The following ZNF808 variants were observed in gnomAD, a reference collection of about 807,000 sequenced individuals.
ZNF808 encodes zinc finger protein 808.
ZNF808 carries 5 observed loss-of-function variants against 8.7 expected under a neutral mutation model. That is an observed-to-expected ratio of 0.58 (90% confidence interval 0.30 to 1.21). ZNF808 has a LOEUF of 1.21. Ranked by LOEUF, ZNF808 falls within the 50% of genes most tolerant of loss-of-function variation. The pLI is 0.07. For synonymous variants in ZNF808, 380 were observed against 366.0 expected, an observed-to-expected ratio of 1.04 and a Z score of -0.44; for missense variants, 1,103 against 1,098.4, an observed-to-expected ratio of 1.00 and a Z score of -0.06.
rs1314983902 is a variant in ZNF808 at position 52,554,844 on chromosome 19, G to T, written c.1928G>T (p.Arg643Ile). 1.2e-6 allele frequency: 2 copies of T among 1,614,040 alleles called. No homozygotes were observed. Among genetic ancestry groups the T allele is most frequent in the Admixed American group, 3.3e-5 (2 of 59,992 alleles). The change falls in exon 5 of 5, where the codon AGA becomes ATA. Residue 643 changes from arginine (R) to isoleucine (I), a missense_variant. By Grantham distance (97) the Arg-to-Ile change is moderately conservative. Transcript: ENST00000359798. ...AATTCACAGCTGGCACGACATACAA[G>T]AATTCACACTGGAGAAAAAACTTAC... ...TWNSQLARHT[R>I]IHTGEKTYKC... is the part of the protein sequence containing the mutation.
downstream of ZNF808, among the ~76,000 whole-genome samples, chr19:52,567,621 C>T (rs2059876212): frequency 6.7e-6 from 1 of 150,070 alleles, no homozygotes; most frequent in East Asian, 2.0e-4. Flanking sequence ...ATTTTCTGGG[C>T]TCAAGCGATT....
chr19:52,547,401 C>T lies in ZNF808; in HGVS notation c.64-111C>T, dbSNP rs116899050. 3.8e-4 allele frequency: 596 copies of T among 1,568,936 alleles called. 4 individuals are homozygous for T. In the East Asian group the frequency reaches 0.011, roughly 29 times the overall value. ...CAAAAATACCTTAACATCCTTTTGT[C>T]AGAACACAGTCTTTGATCAAATAAA... On this transcript the variant is annotated intron_variant, in intron 3 of 4. Coordinates refer to ENST00000359798, the MANE Select transcript of ZNF808 (RefSeq NM_001039886.4).
At chr19:52,552,429 T>G (rs960112194) in intron 4 of ZNF808, among the ~76,000 whole-genome samples, 1 of 151,608 alleles carries the variant, frequency 6.6e-6, no homozygotes, top group Non-Finnish European at 1.5e-5. Context: ...TTTTTTTCTG[T>G]TTGAGGCAGA....
downstream of ZNF808, among the ~76,000 whole-genome samples, chr19:52,566,858 C>T (rs1315049683): frequency 6.6e-6 from 1 of 152,134 alleles, no homozygotes. Context: ...TACATAAACA[C>T]AATGTCCAGA....
rs187586037 is a variant in ZNF808, at chr19:52,546,976, G to A, written c.64-536G>A. 3.8e-4 allele frequency among the ~76,000 whole-genome samples: 50 copies of A among 130,784 alleles called. No individual in the cohort carries two copies. The East Asian group carries it at 0.012, about 30-fold the overall frequency. The allele number at this position is 130,784 out of a possible 152,430, so 85.8% of individuals were successfully genotyped here. ...TTTTTTTTTTTTTTTTAGATGGAGT[G>A]TCAGTCTGTTGCCCAGGATGGAGGG... On this transcript the variant is annotated intron_variant, in intron 3 of 4. Coordinates refer to ENST00000359798, the MANE Select transcript of ZNF808 (RefSeq NM_001039886.4).
chr19:52,528,271 C>T (rs1200069213), intron 1 of ZNF808, among the ~76,000 whole-genome samples: 1 of 152,188 alleles, frequency 6.6e-6, no homozygotes, highest in African/African-American at 2.4e-5. Flanking sequence ...AGGGCCCTGT[C>T]CTGTGACATG....
chr19:52,551,043 A>G (rs918800729), intron 4 of ZNF808, among the ~76,000 whole-genome samples: 1 of 152,026 alleles, frequency 6.6e-6, no homozygotes, highest in Non-Finnish European at 1.5e-5. Flanking sequence ...AAACATAATG[A>G]AACCTTGAAT....
chr19:52,540,950 T>C (rs1392855170), intron 2 of ZNF808, among the ~76,000 whole-genome samples: 1 of 152,058 alleles, frequency 6.6e-6, no homozygotes, highest in Non-Finnish European at 1.5e-5. Context: ...GAATTTTTGT[T>C]TGTTTGTTTG....
At chr19:52,567,768 G>C (rs190093678), downstream of ZNF808, among the ~76,000 whole-genome samples, 1 of 151,852 alleles carries the variant, frequency 6.6e-6, no homozygotes, top group African/African-American at 2.4e-5. Flanking sequence ...CAGGCCATCC[G>C]CCGTCCTCAG....
chr19:52,543,734 A>G (rs1335290549), intron 3 of ZNF808, among the ~76,000 whole-genome samples: 1 of 152,218 alleles, frequency 6.6e-6, no homozygotes, highest in Non-Finnish European at 1.5e-5. Flanking sequence ...TAATGTGCGC[A>G]GATGTGTGGT....
At chr19:52,543,033 C>G (rs920591807) in intron 2 of ZNF808, among the ~76,000 whole-genome samples, 1 of 152,002 alleles carries the variant, frequency 6.6e-6, no homozygotes, top group Non-Finnish European at 1.5e-5. Context: ...CAGGTCCCCC[C>G]TGCTGCCTCG....
chr19:52,556,407 A>G (rs558373096), downstream of ZNF808: 1 of 151,516 alleles, frequency 6.6e-6, no homozygotes, highest in Non-Finnish European at 1.5e-5. Flanking sequence ...GCTCACCACA[A>G]CCTCCGCCTC....
intron 4 of ZNF808, among the ~76,000 whole-genome samples, chr19:52,552,709 T>TG: frequency 6.6e-6 from 1 of 151,944 alleles, no homozygotes; most frequent in African/African-American, 2.4e-5. Flanking sequence ...TGTGGTTTTT[T>TG]TTTTTTTTTA....
intron 3 of ZNF808, 82 bp from the exon 4 acceptor site, chr19:52,547,426 ATACT>A (rs1600006306): frequency 6.3e-7 from 1 of 1,599,098 alleles, no homozygotes; most frequent in Non-Finnish European, 8.5e-7. Context: ...GATCAAATAA[ATACT>A]TATTTTCCCT....
chr19:52,565,165 C>G (rs935431728), downstream of ZNF808, among the ~76,000 whole-genome samples: 1 of 152,118 alleles, frequency 6.6e-6, no homozygotes, highest in Admixed American at 6.6e-5. Flanking sequence ...GTAATCCCAG[C>G]GACTCAGGAG....
At chr19:52,547,719 A>G in intron 4 of ZNF808, 81 bp downstream of exon 4, 2 of 1,361,180 alleles carry the variant, frequency 1.5e-6, no homozygotes, top group Non-Finnish European at 1.9e-6. Flanking sequence ...CTCTTTTGTG[A>G]TTTTGCCCCA....
intron 1 of ZNF808, chr19:52,527,995 C>G (rs2059525479): frequency 6.6e-6 from 1 of 152,578 alleles, no homozygotes; most frequent in Non-Finnish European, 1.5e-5. Context: ...CCTCCTCGCG[C>G]TATTTAAAGT....
chr19:52,537,237 G>A (rs1245394680), intron 2 of ZNF808, among the ~76,000 whole-genome samples: 4 of 151,920 alleles, frequency 2.6e-5, no homozygotes, highest in Admixed American at 2.6e-4. Flanking sequence ...AGAGGTGGAA[G>A]AGGAGTAATA....
chr19:52,536,878 A>G lies in ZNF808; in HGVS notation c.-20+3869A>G, dbSNP rs560465308. ...ATTGAGGACGATCAAAAGATTGGGG[A>G]GAAGGAGCAACAAGAGGTTAAATAA... On this transcript the variant is annotated intron_variant, in intron 2 of 4. Transcript: ENST00000359798. 2.3e-4 allele frequency among the ~76,000 whole-genome samples: 35 copies of G among 152,188 alleles called. No homozygotes were observed. In the South Asian group the frequency reaches 4.8e-3, roughly 21 times the overall value.
Sources: gnomAD v4.1 joint callset for allele counts (sites outside exome capture counted in the v4.1 genomes callset) on GRCh38, gnomAD v4.1.1 for gene constraint, MANE v1.5 for transcripts, NCBI Gene and HGNC (gene_info 2026-07-23, HGNC 2026-07-21) for gene names.